Variants in SGCZ observed in about 807,000 individuals in gnomAD.
SGCZ encodes the protein zeta-sarcoglycan.
Under a neutral mutation model 41.3 loss-of-function variants are expected in SGCZ, and 40 were observed. The ratio of observed to expected loss-of-function variants is 0.97; its 90% CI spans 0.75 to 1.26. SGCZ has a LOEUF of 1.26. SGCZ is among the 50% of genes most tolerant of loss of function. SGCZ has a pLI of 0.00. For missense variants in SGCZ, 552 were observed against 369.8 expected (o/e 1.49, Z -4.04); for synonymous variants, 206 against 137.5 (o/e 1.50, Z -3.49).
At chr8:14,730,674 C>T (rs971227703) in intron 1 of SGCZ, among the ~76,000 whole-genome samples, 2 of 151,744 alleles carry the variant, frequency 1.3e-5, no homozygotes, top group African/African-American at 4.9e-5. Context: ...TTTTCCAGAT[C>T]TTTATTATGT....
At chr8:15,193,945 C>G (rs1307705850) in intron 1 of SGCZ, among the ~76,000 whole-genome samples, 2 of 152,084 alleles carry the variant, frequency 1.3e-5, no homozygotes, top group Non-Finnish European at 2.9e-5. Context: ...TCTTAATATT[C>G]TAGCAGCTAA....
At chr8:14,443,603 G>C (rs186896936) in intron 2 of SGCZ, among the ~76,000 whole-genome samples, 8 of 152,270 alleles carry the variant, frequency 5.3e-5, no homozygotes, top group Admixed American at 2.6e-4. Context: ...AAACTGGCTA[G>C]CCATATGTAG....
At chr8:14,099,646 A>G (rs1585132229) in intron 7 of SGCZ, among the ~76,000 whole-genome samples, 1 of 151,888 alleles carries the variant, frequency 6.6e-6, no homozygotes, top group South Asian at 2.1e-4. Context: ...AATCGCTTGA[A>G]CCCAGGGGGT....
chr8:14,646,980 G>A (rs552894429), intron 1 of SGCZ, among the ~76,000 whole-genome samples: 15 of 151,982 alleles, frequency 9.9e-5, no homozygotes, highest in African/African-American at 3.6e-4. Context: ...AATGAAGCCT[G>A]GAAAATTTAG....
chr8:15,216,684 C>A (rs1459335385), intron 1 of SGCZ, among the ~76,000 whole-genome samples: 3 of 151,962 alleles, frequency 2.0e-5, no homozygotes, highest in Non-Finnish European at 4.4e-5. Context: ...ACTTTATATT[C>A]CTGGAATGGA....
At chr8:14,525,143 CATAGATAGATAG>C (rs35838178) in intron 2 of SGCZ, among the ~76,000 whole-genome samples, 45,096 of 142,450 alleles carry the variant, frequency 0.32, 6,985 homozygotes, top group Admixed American at 0.35. Flanking sequence ...TAGATAGACA[CATAGATAGATAG>C]ATAGATAGAT....
At chr8:14,518,915 A>G (rs574692908) in intron 2 of SGCZ, among the ~76,000 whole-genome samples, 1 of 148,040 alleles carries the variant, frequency 6.8e-6, no homozygotes, top group Admixed American at 6.8e-5. Flanking sequence ...AAAAAAATAC[A>G]AAAATTAGCC....
intron 1 of SGCZ, among the ~76,000 whole-genome samples, chr8:14,662,159 T>C (rs1807775392): frequency 6.6e-6 from 1 of 152,136 alleles, no homozygotes; most frequent in African/African-American, 2.4e-5. Context: ...CCCTTCTCAC[T>C]TTTTCTGTTT....
chr8:14,355,056 T>C (rs924946474), intron 2 of SGCZ, among the ~76,000 whole-genome samples: 3 of 152,002 alleles, frequency 2.0e-5, no homozygotes, highest in Non-Finnish European at 2.9e-5. Flanking sequence ...TTCTTACAAA[T>C]AAGACATTTG....
At chr8:15,068,662 C>T (rs796859123) in intron 1 of SGCZ, among the ~76,000 whole-genome samples, 2 of 152,072 alleles carry the variant, frequency 1.3e-5, no homozygotes, top group Admixed American at 6.5e-5. Context: ...TACTGGAAAT[C>T]CAATATGTGA....
intron 1 of SGCZ, among the ~76,000 whole-genome samples, chr8:15,069,795 T>G (rs1805285980): frequency 6.6e-6 from 1 of 152,198 alleles, no homozygotes; most frequent in Admixed American, 6.5e-5. Context: ...ATGCAATACA[T>G]TACTTAAAAA....
chr8:14,121,471 G>GT (rs1385032041), intron 5 of SGCZ, among the ~76,000 whole-genome samples: 1 of 151,956 alleles, frequency 6.6e-6, no homozygotes. Flanking sequence ...TTAATTAATT[G>GT]TTTTTAAAAA....
intron 1 of SGCZ, among the ~76,000 whole-genome samples, chr8:15,045,570 G>C (rs1325104643): frequency 6.6e-6 from 1 of 152,026 alleles, no homozygotes; most frequent in Admixed American, 6.6e-5. Context: ...GTAGTTCCAA[G>C]ATTTCATGTT....
intron 1 of SGCZ, among the ~76,000 whole-genome samples, chr8:15,063,874 G>A (rs574041503): frequency 7.0e-4 from 106 of 152,150 alleles, no homozygotes; most frequent in African/African-American, 2.5e-3. Flanking sequence ...TTTTTCTTAG[G>A]TCATTTCATG....
At chr8:14,230,235 A>C (rs1028146092) in intron 4 of SGCZ, among the ~76,000 whole-genome samples, 2 of 152,102 alleles carry the variant, frequency 1.3e-5, no homozygotes, top group Non-Finnish European at 2.9e-5. Flanking sequence ...TCGTGGAGAC[A>C]ATCTAGCAAA....
chr8:14,749,538 T>G (rs999121201), intron 1 of SGCZ, among the ~76,000 whole-genome samples: 1 of 152,204 alleles, frequency 6.6e-6, no homozygotes, highest in Non-Finnish European at 1.5e-5. Context: ...GAATTCTGTC[T>G]TATGTTACTG....
At chr8:14,734,883 T>C (rs1563234088) in intron 1 of SGCZ, among the ~76,000 whole-genome samples, 1 of 152,168 alleles carries the variant, frequency 6.6e-6, no homozygotes, top group Non-Finnish European at 1.5e-5. Flanking sequence ...TTACATAAAA[T>C]ATTGATAACG....
intron 1 of SGCZ, among the ~76,000 whole-genome samples, chr8:15,014,789 G>C (rs928774072): frequency 1.3e-5 from 2 of 152,198 alleles, no homozygotes; most frequent in Non-Finnish European, 2.9e-5. Flanking sequence ...TGAGCATTGT[G>C]ACAGCCTCAC....
At chr8:14,621,737 G>C (rs1806293149) in intron 1 of SGCZ, among the ~76,000 whole-genome samples, 1 of 152,094 alleles carries the variant, frequency 6.6e-6, no homozygotes, top group Admixed American at 6.6e-5. Context: ...CAGGAAGACA[G>C]CATGGGGGAA....
Sources: gnomAD v4.1 joint callset for allele counts (sites outside exome capture counted in the v4.1 genomes callset) on GRCh38, gnomAD v4.1.1 for gene constraint, MANE v1.5 for transcripts, NCBI Gene and HGNC (gene_info 2026-07-23, HGNC 2026-07-21) for gene names.